The following HMCN1 variants were observed in gnomAD, a reference collection of about 807,000 sequenced individuals.
HMCN1 encodes hemicentin 1.
A neutral mutation model predicts 625.9 loss-of-function variants in HMCN1; 321 were observed. The ratio of observed to expected loss-of-function variants is 0.51; its 90% CI spans 0.47 to 0.56. The LOEUF is 0.56. Among genes scored for constraint, HMCN1 ranks in the 20% least tolerant of loss-of-function variants. The pLI is 0.00. For missense variants in HMCN1, 6,588 were observed against 6,887.3 expected (o/e 0.96, Z 1.54); for synonymous variants, 2,425 against 2,417.6 (o/e 1.00, Z -0.09).
At chr1:186,144,409 T>A (rs1650154376) in intron 90 of HMCN1, 66 bp downstream of exon 90, 2 of 1,600,298 alleles carry the variant, frequency 1.2e-6, no homozygotes, top group South Asian at 1.1e-5. Context: ...AGGTAGTATG[T>A]CAACAAGAAT....
intron 17 of HMCN1, among the ~76,000 whole-genome samples, chr1:185,981,326 GCACACACA>G (rs58305455): frequency 5.4e-5 from 8 of 147,742 alleles, no homozygotes; most frequent in African/African-American, 1.7e-4. Flanking sequence ...ATACACACAT[GCACACACA>G]CACACACACA....
At chr1:186,045,622 T>C (rs1466807677) in intron 40 of HMCN1, 66 bp from the exon 41 acceptor site, 1 of 1,205,368 alleles carries the variant, frequency 8.3e-7, no homozygotes, top group Non-Finnish European at 1.2e-6. Context: ...TATGTCCTGA[T>C]AATTGATGAA....
chr1:186,005,239 ATAAACGTTTATAAACAAATTTTT>A, intron 29 of HMCN1, among the ~76,000 whole-genome samples: 4 of 126,838 alleles, frequency 3.2e-5, no homozygotes, highest in African/African-American at 8.6e-5. Context: ...TTAATTGTTT[ATAAACGTTTATAAACAAATTTTT>A]AATTGTTTAT....
chr1:186,101,600 CAG>C (rs1660385740), intron 68 of HMCN1, among the ~76,000 whole-genome samples: 1 of 151,948 alleles, frequency 6.6e-6, no homozygotes, highest in Non-Finnish European at 1.5e-5. Flanking sequence ...GGACAAAACA[CAG>C]AGTAAAATAG....
intron 52 of HMCN1, among the ~76,000 whole-genome samples, chr1:186,073,108 G>C (rs1200284801): frequency 6.6e-6 from 1 of 152,152 alleles, no homozygotes; most frequent in Non-Finnish European, 1.5e-5. Context: ...AGAGTAAATA[G>C]AGAAGAGGTC....
chr1:185,876,644 A>G (rs192978630), intron 4 of HMCN1, among the ~76,000 whole-genome samples: 1 of 152,056 alleles, frequency 6.6e-6, no homozygotes, highest in East Asian at 1.9e-4. Context: ...GTTTTCGTTC[A>G]CATTTCTCTG....
intron 77 of HMCN1, among the ~76,000 whole-genome samples, chr1:186,118,206 T>C (rs1196630790): frequency 1.3e-5 from 2 of 152,108 alleles, no homozygotes; most frequent in Non-Finnish European, 2.9e-5. Flanking sequence ...GTGATTCACG[T>C]TGGTGTTTCT....
rs1558212787 is a variant in HMCN1 at position 186,088,134 on chromosome 1, G to C, written c.9446-11G>C. On this transcript the variant is annotated splice_polypyrimidine_tract_variant and intron_variant, in intron 61 of 106. Coordinates refer to ENST00000271588, the MANE Select transcript of HMCN1 (RefSeq NM_031935.3). ...TGTTTTTTTGTTTGTTTGTTTGTTT[G>C]TTTTTTACAGTGCCACCCAGTATTG... 3 of 1,602,490 alleles carry C rather than the reference G, an allele frequency of 1.9e-6. No individual in the cohort carries two copies. Among genetic ancestry groups the C allele is most frequent in the Non-Finnish European group, 2.6e-6 (3 of 1,173,348 alleles).
Position 186,190,071 on chromosome 1 carries a change from G to T in HMCN1, c.*193G>T. 1 of 646,036 alleles carries T rather than the reference G, an allele frequency of 1.5e-6. No individual in the cohort carries two copies. Among genetic ancestry groups the T allele is most frequent in the South Asian group, 1.9e-5 (1 of 53,734 alleles). 40.0% of individuals were successfully genotyped at this position (646,036 alleles called of 1,614,324 possible). ...CCACCATGGTCATATCTTGAAGTAT[G>T]GTCTAGAAAAGTCCCTTATTATTTT... On this transcript the variant is annotated 3_prime_UTR_variant, in exon 107 of 107. Coordinates refer to ENST00000271588, the MANE Select transcript of HMCN1 (RefSeq NM_031935.3).
chr1:186,117,568 CA>C lies in HMCN1; in HGVS notation c.11798del (p.Asn3933MetfsTer3). ...GVPFPSIHWT[K>X]NGIRLLPRGD... ...TTCCATTTCCCTCAATTCACTGGAC[CA>C]AAAATGGTATAAGACTGCTTCCCAG... On this transcript the variant is annotated frameshift_variant, in exon 77 of 107. Transcript: ENST00000271588. LOFTEE classifies it high-confidence loss of function. 6.2e-7 allele frequency: 1 copy of C among 1,613,798 alleles called. No individual in the cohort carries two copies. Among genetic ancestry groups the C allele is most frequent in the Non-Finnish European group, 8.5e-7 (1 of 1,179,804 alleles).
chr1:185,913,965 C>G (rs1401836381), intron 6 of HMCN1, among the ~76,000 whole-genome samples: 1 of 152,064 alleles, frequency 6.6e-6, no homozygotes, highest in Non-Finnish European at 1.5e-5. Flanking sequence ...TCTCTAAGCT[C>G]AGTCTCCTAT....
intron 29 of HMCN1, among the ~76,000 whole-genome samples, chr1:186,004,764 A>G (rs1029081598): frequency 1.3e-5 from 2 of 152,166 alleles, no homozygotes; most frequent in Non-Finnish European, 2.9e-5. Flanking sequence ...TGCAGTATCC[A>G]GGAGATGGAA....
At chr1:186,136,548 C>A in intron 86 of HMCN1, 120 bp from the exon 87 acceptor site, 1 of 878,264 alleles carries the variant, frequency 1.1e-6, no homozygotes, top group Non-Finnish European at 1.9e-6. Flanking sequence ...AGTTGGGAAG[C>A]AACAGTGTTT....
Position 186,158,840 on chromosome 1 carries a change from C to A in HMCN1, c.15256+4853C>A, listed in dbSNP as rs1015169290. The stretch of plus-strand genomic sequence containing the variant: ...ACCATGCTGTTTTGGTTACTGTAGC[C>A]TTGTAGTATAGTTTGAAGTCAGGTA... On this transcript the variant is annotated intron_variant, in intron 97 of 106. Transcript: ENST00000271588. 1.4e-3 allele frequency among the ~76,000 whole-genome samples: 217 copies of A among 151,652 alleles called. 1 individual carries two copies. The highest frequency in any genetic ancestry group is 4.8e-3 in the African/African-American group (198 of 41,410).
At chr1:185,951,558 T>C (rs911395045) in intron 11 of HMCN1, among the ~76,000 whole-genome samples, 1 of 150,990 alleles carries the variant, frequency 6.6e-6, no homozygotes, top group Non-Finnish European at 1.5e-5. Flanking sequence ...GCAGTGTCAG[T>C]CTTCAGCCGC....
chr1:185,832,227 C>A (rs1417438432), intron 1 of HMCN1, among the ~76,000 whole-genome samples: 1 of 150,304 alleles, frequency 6.7e-6, no homozygotes, highest in Non-Finnish European at 1.5e-5. Context: ...ACCCGGGAGG[C>A]AGAGGCTGCA....
intron 4 of HMCN1, among the ~76,000 whole-genome samples, chr1:185,888,152 GTTGT>G (rs1183815810): frequency 2.0e-4 from 24 of 120,204 alleles, no homozygotes; most frequent in Non-Finnish European, 2.8e-4. Flanking sequence ...TTTTGATGGG[GTTGT>G]TTGTTTTTTT....
chr1:186,115,702 G>A (rs1354800126), intron 75 of HMCN1, among the ~76,000 whole-genome samples: 1 of 151,936 alleles, frequency 6.6e-6, no homozygotes, highest in East Asian at 1.9e-4. Context: ...TTTTATAAAG[G>A]CAAAGGATAA....
At position 185,734,821 on chromosome 1, in the gene HMCN1, T is replaced by C; in HGVS notation, c.42T>C (p.Ala14=). The change falls in exon 1 of 107, where the codon GCT becomes GCC. Residue 14 remains alanine, a synonymous_variant. Transcript: ENST00000271588. The stretch of plus-strand genomic sequence containing the variant: ...TTGTCCATACAGTATTCCTGTTTGC[T>C]CTTCTTTATTCTTCCCTAGCTCAAG... ...WEVVHTVFLF[A]LLYSSLAQDA... is the part of the protein sequence containing the mutation. 6.2e-7 allele frequency: 1 copy of C among 1,614,070 alleles called. No homozygotes were observed. The highest frequency in any genetic ancestry group is 8.5e-7 in the Non-Finnish European group (1 of 1,179,944).
Sources: allele counts gnomAD v4.1 joint callset (sites outside exome capture counted in the v4.1 genomes callset), GRCh38; gene constraint gnomAD v4.1.1; transcripts MANE v1.5; gene names NCBI Gene and HGNC (gene_info 2026-07-23, HGNC 2026-07-21).